The following TSHZ2 variants were observed in gnomAD, a reference collection of about 807,000 sequenced individuals.
TSHZ2 encodes the protein teashirt homolog 2.
Under a neutral mutation model 74.4 loss-of-function variants are expected in TSHZ2, and 21 were observed. The observed-to-expected ratio is 0.28, with a 90% CI of 0.20 to 0.41. TSHZ2 has a LOEUF of 0.41. Among genes scored for constraint, TSHZ2 ranks in the 10% least tolerant of loss-of-function variants. TSHZ2 has a pLI of 1.00. For missense variants in TSHZ2, 1,244 were observed against 1,293.5 expected (o/e 0.96, Z 0.59); for synonymous variants, 540 against 515.3 (o/e 1.05, Z -0.65).
chr20:53,435,086 C>T (rs922741037), intron 2 of TSHZ2, among the ~76,000 whole-genome samples: 1 of 152,204 alleles, frequency 6.6e-6, no homozygotes, highest in Non-Finnish European at 1.5e-5. Context: ...AGGAAGCTTT[C>T]GGAATCAGAA....
intron 1 of TSHZ2, among the ~76,000 whole-genome samples, chr20:53,176,603 C>T (rs1988344102): frequency 6.6e-6 from 1 of 151,908 alleles, no homozygotes; most frequent in African/African-American, 2.4e-5. Flanking sequence ...GGGCTTAAGT[C>T]AAGAGTAACA....
chr20:53,153,452 C>G (rs1409598683), intron 1 of TSHZ2, among the ~76,000 whole-genome samples: 1 of 152,180 alleles, frequency 6.6e-6, no homozygotes, highest in African/African-American at 2.4e-5. Flanking sequence ...AGTTCTTGGA[C>G]TGCAAGCAGG....
In TSHZ2 at chr20:53,227,463, AACACACACAC is replaced by A. The variant is rs10574252; in HGVS notation, c.41-26008_41-25999del. ...TATTGCCTTAGTAAGTGGGGAGGAA[AACACACACAC>A]ACACACACACACACACACACACACA... On this transcript the variant is annotated intron_variant, in intron 1 of 2. Coordinates refer to ENST00000371497, the MANE Select transcript of TSHZ2 (RefSeq NM_173485.6). 4.2e-4 allele frequency among the ~76,000 whole-genome samples: 62 copies of A among 146,664 alleles called. 1 individual carries two copies. Among genetic ancestry groups the A allele is most frequent in the African/African-American group, 1.3e-3 (51 of 39,612 alleles).
intron 1 of TSHZ2, among the ~76,000 whole-genome samples, chr20:53,149,179 G>GTT (rs1231054828): frequency 2.1e-5 from 3 of 140,128 alleles, no homozygotes; most frequent in Admixed American, 7.2e-5. Flanking sequence ...CTCTTTTAGG[G>GTT]TTTTTTTTTT....
At chr20:53,063,103 A>T (rs1488810982) in intron 1 of TSHZ2, among the ~76,000 whole-genome samples, 1 of 152,214 alleles carries the variant, frequency 6.6e-6, no homozygotes. Flanking sequence ...ACAATAATGA[A>T]AAAGTTTGAA....
At chr20:53,078,942 T>C (rs879296233) in intron 1 of TSHZ2, among the ~76,000 whole-genome samples, 1 of 152,178 alleles carries the variant, frequency 6.6e-6, no homozygotes. Context: ...ATTACATCAA[T>C]GTCAAAGTCC....
At chr20:53,211,770 C>T (rs1989311452) in intron 1 of TSHZ2, among the ~76,000 whole-genome samples, 1 of 152,110 alleles carries the variant, frequency 6.6e-6, no homozygotes. Context: ...ATCGTAGACT[C>T]AGAGGGTACC....
intron 1 of TSHZ2, among the ~76,000 whole-genome samples, chr20:53,181,732 C>T (rs1568798810): frequency 6.6e-6 from 1 of 152,032 alleles, no homozygotes; most frequent in Non-Finnish European, 1.5e-5. Context: ...ACCAAAAATA[C>T]AAAAAATTAG....
At chr20:53,133,189 T>C (rs1335235556) in intron 1 of TSHZ2, among the ~76,000 whole-genome samples, 1 of 152,210 alleles carries the variant, frequency 6.6e-6, no homozygotes, top group African/African-American at 2.4e-5. Context: ...CTGGCTTCAG[T>C]TCATTCCATT....
At chr20:53,021,991 G>T (rs1269516484) in intron 1 of TSHZ2, among the ~76,000 whole-genome samples, 1 of 152,060 alleles carries the variant, frequency 6.6e-6, no homozygotes, top group Non-Finnish European at 1.5e-5. Context: ...TTCAATAAAA[G>T]AGATAAAATC....
chr20:53,094,682 A>G lies in TSHZ2; in HGVS notation c.40+121349A>G, dbSNP rs199516422. Among the ~76,000 whole-genome samples, 6 of 152,310 alleles carry G rather than the reference A, an allele frequency of 3.9e-5. No individual in the cohort carries two copies. The East Asian group carries it at 5.8e-4, about 15-fold the overall frequency. ...TCTGATGTGAACATCTGCATCATGG[A>G]TGTCATTATAACAGGTGTCAAAAAT... On this transcript the variant is annotated intron_variant, in intron 1 of 2. Transcript: ENST00000371497.
chr20:53,452,200 A>G (rs931201380), intron 2 of TSHZ2, among the ~76,000 whole-genome samples: 3 of 152,236 alleles, frequency 2.0e-5, no homozygotes, highest in African/African-American at 7.2e-5. Context: ...AGGGGCTTAG[A>G]GGACCTACTT....
intron 1 of TSHZ2, among the ~76,000 whole-genome samples, chr20:53,084,027 A>G (rs1354762085): frequency 6.6e-6 from 1 of 152,192 alleles, no homozygotes; most frequent in Non-Finnish European, 1.5e-5. Flanking sequence ...AAATAAGATA[A>G]CATAGCTAAG....
intron 1 of TSHZ2, among the ~76,000 whole-genome samples, chr20:53,169,800 C>G (rs1047167357): frequency 2.6e-5 from 4 of 152,134 alleles, no homozygotes. Flanking sequence ...ATAAATTTTG[C>G]ACATGTGCAT....
At chr20:53,257,702 C>T (rs181903398) in intron 2 of TSHZ2, among the ~76,000 whole-genome samples, 11 of 152,348 alleles carry the variant, frequency 7.2e-5, no homozygotes, top group East Asian at 5.8e-4. Context: ...CCTCCACCTT[C>T]GGCCATTCCC....
At chr20:53,036,284 A>G (rs1983815165) in intron 1 of TSHZ2, among the ~76,000 whole-genome samples, 1 of 152,202 alleles carries the variant, frequency 6.6e-6, no homozygotes, top group Admixed American at 6.5e-5. Flanking sequence ...ACATTAATTA[A>G]GTATCTGCTT....
intron 2 of TSHZ2, among the ~76,000 whole-genome samples, chr20:53,368,413 G>T (rs1475059327): frequency 2.6e-5 from 4 of 152,040 alleles, no homozygotes; most frequent in Admixed American, 2.6e-4. Flanking sequence ...GGACTCAAGC[G>T]ATTCTCCTGC....
intron 1 of TSHZ2, among the ~76,000 whole-genome samples, chr20:53,034,325 A>G (rs1983745736): frequency 6.6e-6 from 1 of 152,162 alleles, no homozygotes; most frequent in Non-Finnish European, 1.5e-5. Flanking sequence ...TTGTTGGCTT[A>G]TATATATTAT....
chr20:53,396,974 T>G (rs940666952), intron 2 of TSHZ2, among the ~76,000 whole-genome samples: 1 of 151,908 alleles, frequency 6.6e-6, no homozygotes, highest in African/African-American at 2.4e-5. Context: ...AAAAATTAAT[T>G]CAAGATGGAT....
Sources: allele counts gnomAD v4.1 joint callset (sites outside exome capture counted in the v4.1 genomes callset), GRCh38; gene constraint gnomAD v4.1.1; transcripts MANE v1.5; gene names NCBI Gene and HGNC (gene_info 2026-07-23, HGNC 2026-07-21).